The following JMJD6 variants were observed in gnomAD, a reference collection of about 807,000 sequenced individuals.
JMJD6 encodes the protein bifunctional arginine demethylase and lysyl-hydroxylase JMJD6.
Under a neutral mutation model 45.8 loss-of-function variants are expected in JMJD6, and 17 were observed. That is an observed-to-expected ratio of 0.37 (90% CI 0.25 to 0.56). JMJD6 has a LOEUF of 0.56. Ranked by LOEUF, JMJD6 falls within the 20% of genes least tolerant of loss-of-function variation. JMJD6 has a pLI of 0.79. For synonymous variants in JMJD6, 221 were observed against 196.3 expected, an observed-to-expected ratio of 1.13 and a Z score of -1.05; for missense variants, 470 against 517.5, an observed-to-expected ratio of 0.91 and a Z score of 0.89.
downstream of JMJD6, chr17:76,715,788 C>T (rs924622416): frequency 1.3e-5 from 2 of 152,174 alleles, no homozygotes; most frequent in African/African-American, 4.8e-5. Context: ...CTGGTCAATC[C>T]CCAAAAAGTC....
intron 2 of JMJD6, 47 bp downstream of exon 2, chr17:76,725,420 A>AAG (rs1555648105): frequency 1.3e-6 from 2 of 1,487,600 alleles, no homozygotes; most frequent in African/African-American, 1.4e-5. Flanking sequence ...AAAAAAAAAA[A>AAG]AAAAAAAAGA....
At chr17:76,718,949 A>C (rs1234065608) in intron 5 of JMJD6, 89 bp from the exon 6 acceptor site, 2 of 1,310,802 alleles carry the variant, frequency 1.5e-6, no homozygotes, top group Non-Finnish European at 2.1e-6. Flanking sequence ...GAGACAGCAC[A>C]GATATTGGTC....
rs1567998382 is a variant in JMJD6, at chr17:76,720,456, G to C, written c.984C>G (p.Asp328Glu). 2 of 1,614,116 alleles carry C rather than the reference G, an allele frequency of 1.2e-6. No homozygotes were observed. Among genetic ancestry groups the C allele is most frequent in the Non-Finnish European group, 1.7e-6 (2 of 1,179,992 alleles). The change falls in exon 5 of 6, where the codon GAC becomes GAG. Residue 328 changes from aspartate (D) to glutamate (E), a missense_variant. Asp to Glu is a conservative substitution (Grantham distance 45, BLOSUM62 2). Around this residue, in one of 4 missense-constraint regions of JMJD6, gnomAD observed 58 missense variants for 103.9 expected, o/e 0.56. Coordinates refer to ENST00000397625, the MANE Select transcript of JMJD6 (RefSeq NM_015167.3). Reference protein sequence around the residue: ...QEHPELAVLADSVDLQESTGI... With the variant: ...QEHPELAVLAESVDLQESTGI... ...CTGTGGACTCCTGAAGGTCAACCGA[G>C]TCTGCGAGGACTGCCAACTCGGGGT...
chr17:76,718,786 G>A lies in JMJD6; in HGVS notation c.1155C>T (p.Asn385=), dbSNP rs372217669. The change falls in exon 6 of 6, where the codon AAC becomes AAT. Residue 385 remains asparagine (N), a synonymous_variant. Transcript: ENST00000397625. ...AGTCGTCCTGGGAGGTGGTGTCCCC[G>A]TTTCCCACCATGCTGCACGTCCTCC... ...KKRRTCSMVG[N]GDTTSQDDCV... 1.4e-5 allele frequency: 23 copies of A among 1,614,048 alleles called. No homozygotes were observed. Among genetic ancestry groups the A allele is most frequent in the African/African-American group, 1.2e-4 (9 of 74,914 alleles).
chr17:76,726,313 G>A (rs1026965393), intron 1 of JMJD6, 34 bp downstream of exon 1: 3 of 1,534,596 alleles, frequency 2.0e-6, no homozygotes, highest in African/African-American at 2.8e-5. Context: ...AGGTGCCGAT[G>A]CCCGGCCTGG....
chr17:76,715,042 T>G (rs1269855310), downstream of JMJD6: 1 of 152,188 alleles, frequency 6.6e-6, no homozygotes, highest in Admixed American at 6.5e-5. Context: ...AAAGAGCCTT[T>G]TTGGGCTGTT....
At position 76,718,671 on chromosome 17, in the gene JMJD6, C is replaced by T; in HGVS notation, c.*58G>A. On this transcript the variant is annotated 3_prime_UTR_variant, in exon 6 of 6. Transcript: ENST00000397625. The stretch of plus-strand genomic sequence containing the variant: ...CTGCAGGACTGGACAGGCCACCCTC[C>T]CCAGGCCCTGCCCTTGCCGCGAGCG... 1 of 1,586,856 alleles carries T rather than the reference C, an allele frequency of 6.3e-7. No individual in the cohort carries two copies. The highest frequency in any genetic ancestry group is 8.6e-7 in the Non-Finnish European group (1 of 1,166,474).
downstream of JMJD6, among the ~76,000 whole-genome samples, chr17:76,717,079 G>C (rs2076770478): frequency 6.6e-6 from 1 of 152,084 alleles, no homozygotes. Flanking sequence ...GCGATAGGAG[G>C]GCTGCGGGTC....
chr17:76,724,162 C>T (rs1395593386), intron 2 of JMJD6, 104 bp from the exon 3 acceptor site: 1 of 1,291,222 alleles, frequency 7.7e-7, no homozygotes, highest in Admixed American at 2.1e-5. Flanking sequence ...GCTCTATCAC[C>T]CAGGCTGGAA....
At chr17:76,719,766 G>A (rs967160618) in intron 5 of JMJD6, among the ~76,000 whole-genome samples, 1 of 152,142 alleles carries the variant, frequency 6.6e-6, no homozygotes, top group Non-Finnish European at 1.5e-5. Context: ...TGACACTGCT[G>A]CTTCATCTTG....
chr17:76,724,058 C>G lies in JMJD6; in HGVS notation c.519G>C (p.Arg173Ser). ...AGCGTGGTGGCCCCATCACAAACCACCTACAGAATGGAGATATCCAAGATG... is the reference window on the plus strand; with the variant it reads ...AGCGTGGTGGCCCCATCACAAACCAGCTACAGAATGGAGATATCCAAGATG... ...YAGEKRRPPY[R>S]WFVMGPPRSG... The change falls in exon 3 of 6, where the codon AGG becomes AGC. Residue 173 changes from arginine to serine, a missense_variant and splice_region_variant. Around this residue, in one of 4 missense-constraint regions of JMJD6, gnomAD observed 346 missense variants for 339.5 expected, o/e 1.02. Transcript: ENST00000397625. 1 of 1,613,320 alleles carries G rather than the reference C, an allele frequency of 6.2e-7. No individual in the cohort carries two copies. The highest frequency in any genetic ancestry group is 8.5e-7 in the Non-Finnish European group (1 of 1,179,346).
intron 4 of JMJD6, 152 bp from the exon 5 acceptor site, chr17:76,720,650 C>T (rs2143725514): frequency 1.5e-6 from 1 of 678,768 alleles, no homozygotes. Flanking sequence ...GAGGACAAAA[C>T]CCCAGGCTGG....
chr17:76,716,917 A>G (rs925653478), downstream of JMJD6, among the ~76,000 whole-genome samples: 5 of 152,240 alleles, frequency 3.3e-5, no homozygotes, highest in Non-Finnish European at 7.3e-5. Context: ...GTAATAATAG[A>G]AACAATTTAA....
chr17:76,720,543 CCACTCACAAA>C, intron 4 of JMJD6, 45 bp from the exon 5 acceptor site: 1 of 1,605,034 alleles, frequency 6.2e-7, no homozygotes, highest in Non-Finnish European at 8.5e-7. Flanking sequence ...ACAGCCATAC[CCACTCACAAA>C]GACTCACTCA....
chr17:76,719,109 C>T (rs1396082129), intron 5 of JMJD6, among the ~76,000 whole-genome samples: 1 of 152,156 alleles, frequency 6.6e-6, no homozygotes. Flanking sequence ...GTGTGGTTAT[C>T]TGTCTGAATA....
chr17:76,723,712 A>T lies in JMJD6; in HGVS notation c.805+60T>A. 1.5e-5 allele frequency: 23 copies of T among 1,526,404 alleles called. No individual in the cohort carries two copies. In the South Asian group the frequency reaches 2.6e-4, roughly 17 times the overall value. 94.6% of individuals were successfully genotyped at this position (1,526,404 alleles called of 1,614,324 possible). ...CGCCTCAGCCTCCCAAAGTGCTGGG[A>T]TTACAGGCATGAACCACCGCGCCCG... On this transcript the variant is annotated intron_variant, in intron 3 of 5. Coordinates refer to ENST00000397625, the MANE Select transcript of JMJD6 (RefSeq NM_015167.3).
chr17:76,725,951 G>T (rs879381734), intron 1 of JMJD6, 96 bp from the exon 2 acceptor site: 40 of 1,406,492 alleles, frequency 2.8e-5, no homozygotes, highest in Non-Finnish European at 3.5e-5. Flanking sequence ...ATGACAAACC[G>T]AAGGAAGTTG....
At chr17:76,718,905 C>A in intron 5 of JMJD6, 45 bp from the exon 6 acceptor site, 1 of 1,587,814 alleles carries the variant, frequency 6.3e-7, no homozygotes, top group Non-Finnish European at 8.6e-7. Flanking sequence ...CTGGATGCAA[C>A]CCACTTCTTC....
intron 3 of JMJD6, among the ~76,000 whole-genome samples, chr17:76,723,007 C>G (rs569744433): frequency 6.7e-6 from 1 of 149,242 alleles, no homozygotes; most frequent in African/African-American, 2.5e-5. Flanking sequence ...AGTGCAGTGA[C>G]ACAATCTCAG....
Sources: gnomAD v4.1 joint callset for allele counts (sites outside exome capture counted in the v4.1 genomes callset) on GRCh38, gnomAD v4.1.1 for gene constraint, gnomAD v4.1.1 regional missense constraint, MANE v1.5 for transcripts, NCBI Gene and HGNC (gene_info 2026-07-23, HGNC 2026-07-21) for gene names.